The following INTS6 variants were observed in gnomAD, a reference collection of about 807,000 sequenced individuals.
INTS6 encodes the protein integrator complex subunit 6, also known as DEAD box protein.
A neutral mutation model predicts 104.9 loss-of-function variants in INTS6; 16 were observed. The ratio of observed to expected loss-of-function variants is 0.15; its 90% CI spans 0.10 to 0.23. The LOEUF is 0.23. Ranked by LOEUF, INTS6 falls within the 10% of genes least tolerant of loss-of-function variation. The probability of loss-of-function intolerance (pLI) is 1.00; values close to 1 mark genes in which losing one functional copy is unlikely to be tolerated. For missense variants in INTS6, 584 were observed against 1,062.8 expected, an observed-to-expected ratio of 0.55 and a Z score of 6.26; for synonymous variants, 324 against 358.7, an observed-to-expected ratio of 0.90 and a Z score of 1.09.
At chr13:51,392,539 T>C (rs1395308048) in intron 5 of INTS6, among the ~76,000 whole-genome samples, 1 of 152,244 alleles carries the variant, frequency 6.6e-6, no homozygotes, top group Non-Finnish European at 1.5e-5. Flanking sequence ...CTTCCAAATA[T>C]ATAGAGAGCA....
At chr13:51,445,690 A>C (rs774276901) in intron 3 of INTS6, 1 of 152,224 alleles carries the variant, frequency 6.6e-6, no homozygotes, top group Admixed American at 6.5e-5. Flanking sequence ...CAATTCTCAC[A>C]TTTCTAGCCA....
At chr13:51,359,846 G>A (rs1406024269), downstream of INTS6, among the ~76,000 whole-genome samples, 1 of 151,930 alleles carries the variant, frequency 6.6e-6, no homozygotes, top group South Asian at 2.1e-4. Flanking sequence ...TAGTAAGAGG[G>A]GCTAATTATT....
chr13:51,340,783 G>A, the INTS6 span: 1 of 475,676 alleles, frequency 2.1e-6, no homozygotes, highest in Non-Finnish European at 3.8e-6. Context: ...GATCTGACCA[G>A]GGCTTTGCTA....
Position 51,452,138 on chromosome 13 carries a change from C to T in INTS6, c.112-83G>A. Reference sequence around the variant, plus strand: ...GAGGCGGAGAAGGGGCGCCCAGCGGCCCCGCCGCCCCCACAGTACCGCACA... The same window carrying T: ...GAGGCGGAGAAGGGGCGCCCAGCGGTCCCGCCGCCCCCACAGTACCGCACA... On this transcript the variant is annotated intron_variant, in intron 1 of 17. Coordinates refer to ENST00000311234, the MANE Select transcript of INTS6 (RefSeq NM_012141.3). This position sits in a 1 kb window ranked among gnomAD's most constrained non-coding sequence, Gnocchi z 4.2. 2 of 1,282,276 alleles carry T rather than the reference C, an allele frequency of 1.6e-6. No individual in the cohort carries two copies. The highest frequency in any genetic ancestry group is 2.2e-6 in the Non-Finnish European group (2 of 903,122). The allele number at this position is 1,282,276 out of a possible 1,614,324, so 79.4% of individuals were successfully genotyped here.
At chr13:51,384,225 T>C (rs919610451) in intron 7 of INTS6, 1 of 158,792 alleles carries the variant, frequency 6.3e-6, no homozygotes, top group African/African-American at 2.4e-5. Flanking sequence ...AAAATAACCA[T>C]AAATAGAACT....
chr13:51,424,707 T>A (rs1956957334), intron 4 of INTS6, among the ~76,000 whole-genome samples: 1 of 151,982 alleles, frequency 6.6e-6, no homozygotes, highest in African/African-American at 2.4e-5. Context: ...GAATCGCAAA[T>A]CAGTAAGACA....
intron 10 of INTS6, 21 bp downstream of exon 10, chr13:51,382,008 T>A (rs751796575): frequency 6.4e-7 from 1 of 1,556,414 alleles, no homozygotes; most frequent in South Asian, 1.1e-5. Flanking sequence ...GCCAACAAGT[T>A]CTTTTAAATA....
chr13:51,429,020 C>T (rs1490584712), intron 4 of INTS6, among the ~76,000 whole-genome samples: 2 of 152,124 alleles, frequency 1.3e-5, no homozygotes, highest in African/African-American at 4.8e-5. Flanking sequence ...TTATTTCAAA[C>T]TTCCAATAAC....
Position 51,404,101 on chromosome 13 carries a change from CACAGAG to C in INTS6, c.430-8624_430-8619del, listed in dbSNP as rs1396686739. ...ACACACACACACACACACACACACA[CACAGAG>C]AGAGAGAGAGAGAGAGACAACCCAG... On this transcript the variant is annotated intron_variant, in intron 4 of 17. Coordinates refer to ENST00000311234, the MANE Select transcript of INTS6 (RefSeq NM_012141.3). 5.8e-4 allele frequency among the ~76,000 whole-genome samples: 76 copies of C among 129,980 alleles called. 1 individual carries two copies. Among genetic ancestry groups the C allele is most frequent in the Middle Eastern group, 3.7e-3 (1 of 270 alleles). The allele number at this position is 129,980 out of a possible 152,430, so 85.3% of individuals were successfully genotyped here.
At chr13:51,390,640 A>C (rs1956229854) in intron 5 of INTS6, among the ~76,000 whole-genome samples, 1 of 152,100 alleles carries the variant, frequency 6.6e-6, no homozygotes, top group Non-Finnish European at 1.5e-5. Flanking sequence ...TTGACACATC[A>C]AATTACTTAT....
intron 3 of INTS6, among the ~76,000 whole-genome samples, chr13:51,430,993 A>T (rs751551741): frequency 1.1e-3 from 171 of 152,330 alleles, no homozygotes; most frequent in Admixed American, 1.6e-3. Context: ...TGGAGAGAAA[A>T]GTACAAAAAT....
chr13:51,429,763 C>CAAAAAAA (rs35873020), intron 4 of INTS6, among the ~76,000 whole-genome samples: 11 of 27,080 alleles, frequency 4.1e-4, no homozygotes, highest in African/African-American at 8.0e-4. Context: ...GACTCTGTCT[C>CAAAAAAA]AAAAAAAAAA....
intron 7 of INTS6, chr13:51,384,596 C>T: frequency 2.2e-6 from 1 of 456,406 alleles, no homozygotes; most frequent in South Asian, 1.6e-5. Flanking sequence ...TCCTCAGACA[C>T]AATATGTACA....
chr13:51,421,912 G>C (rs1956902703), intron 4 of INTS6, among the ~76,000 whole-genome samples: 1 of 152,020 alleles, frequency 6.6e-6, no homozygotes, highest in Non-Finnish European at 1.5e-5. Context: ...ATGTTTGCTT[G>C]AAATAAGCAA....
chr13:51,430,372 A>G lies in INTS6; in HGVS notation c.351T>C (p.Pro117=). ...TAATTATTGCTGGCTCCAAGAAAAA[A>G]GGGTTTCTTCCCTAAAGTCAAAAAA... The part of the protein sequence containing the change: ...GIDNYGQGRN[P]FFLEPAIIIT... The change falls in exon 4 of 18, where the codon CCT becomes CCC. Residue 117 remains proline (P), a synonymous_variant. Transcript: ENST00000311234. 1 of 1,610,056 alleles carries G rather than the reference A, an allele frequency of 6.2e-7. No individual in the cohort carries two copies. Among genetic ancestry groups the G allele is most frequent in the African/African-American group, 1.3e-5 (1 of 74,834 alleles).
At chr13:51,409,076 T>C (rs560843237) in intron 4 of INTS6, among the ~76,000 whole-genome samples, 3 of 152,108 alleles carry the variant, frequency 2.0e-5, no homozygotes, top group Admixed American at 2.0e-4. Context: ...AAATTCCTTT[T>C]GGCCATTAGA....
chr13:51,369,448 T>G, intron 15 of INTS6, 138 bp from the exon 16 acceptor site: 1 of 792,944 alleles, frequency 1.3e-6, no homozygotes, highest in Non-Finnish European at 1.9e-6. Flanking sequence ...TGTGATATAG[T>G]TTTTAAGCAT....
chr13:51,348,442 G>A, the INTS6 span: 2 of 1,590,086 alleles, frequency 1.3e-6, no homozygotes, highest in South Asian at 1.1e-5. Context: ...CACAGGTGCT[G>A]TGCAGCCAGC....
chr13:51,341,361 C>T, the INTS6 span: 1 of 1,570,224 alleles, frequency 6.4e-7, no homozygotes, highest in South Asian at 1.2e-5. Flanking sequence ...AGAGGCCTGC[C>T]CACGTGCACA....
Sources: allele counts gnomAD v4.1 joint callset (sites outside exome capture counted in the v4.1 genomes callset), GRCh38; gene constraint gnomAD v4.1.1; non-coding constraint Gnocchi (gnomAD v3.1); transcripts MANE v1.5; gene names NCBI Gene and HGNC (gene_info 2026-07-23, HGNC 2026-07-21).